Variants in SHD observed in about 807,000 individuals in gnomAD.
SHD encodes SH2 domain-containing adapter protein D.
Under a neutral mutation model 31.2 loss-of-function variants are expected in SHD, and 29 were observed. That is an observed-to-expected ratio of 0.93 (90% confidence interval 0.69 to 1.27). The LOEUF is 1.27. Among genes scored for constraint, SHD ranks in the 50% most tolerant of loss-of-function variants. The pLI, the probability that SHD is intolerant of heterozygous loss-of-function variation, is 0.00. For synonymous variants in SHD, 208 were observed against 187.8 expected (o/e 1.11, Z -0.88); for missense variants, 520 against 453.8 (o/e 1.15, Z -1.33).
At position 4,288,268 on chromosome 19, in the gene SHD, G is replaced by A; in HGVS notation, c.742G>A (p.Ala248Thr). 1 of 1,613,844 alleles carries A rather than the reference G, an allele frequency of 6.2e-7. No individual in the cohort carries two copies. Among genetic ancestry groups the A allele is most frequent in the Middle Eastern group, 1.6e-4 (1 of 6,062 alleles). Reference protein sequence around the residue: ...QPWFHGPLNRADAESLLSLCK... With the variant: ...QPWFHGPLNRTDAESLLSLCK... ...GTGGTTTCATGGCCCCCTGAACAGGGCGGATGCAGAGAGCCTCCTGTCCCT... is the reference window on the plus strand; with the variant it reads ...GTGGTTTCATGGCCCCCTGAACAGGACGGATGCAGAGAGCCTCCTGTCCCT... Residue 248 changes from alanine (A) to threonine (T), a missense_variant, in exon 5 of 6, where the codon GCG (alanine) becomes ACG (threonine). Ala to Thr is a moderately conservative substitution (Grantham distance 58). Transcript: ENST00000543264.
chr19:4,280,898 G>A (rs903226789), intron 1 of SHD, among the ~76,000 whole-genome samples: 2 of 151,580 alleles, frequency 1.3e-5, no homozygotes, highest in Admixed American at 1.3e-4. Flanking sequence ...TTGGTCTCCG[G>A]GTCCTCCTCC....
chr19:4,280,390 G>A lies in SHD; in HGVS notation c.297+30G>A, dbSNP rs1359049185. On this transcript the variant is annotated intron_variant, in intron 1 of 5. Coordinates refer to ENST00000543264, the MANE Select transcript of SHD (RefSeq NM_020209.4). ...GTGGCTGGGTGGCCTGGGGAGACTG[G>A]GTGGAGGGGAGGCTCAGGATGGGCT... 21 of 1,530,906 alleles carry A rather than the reference G, an allele frequency of 1.4e-5. No homozygotes were observed. The Middle Eastern group carries it at 5.9e-4, about 43-fold the overall frequency. The allele number at this position is 1,530,906 out of a possible 1,614,324, so 94.8% of individuals were successfully genotyped here.
rs765278791 is a variant in SHD at position 4,283,102 on chromosome 19, A to G, written c.452A>G (p.Gln151Arg). ...VQLYDTPYEE[Q>R]DPETADGPPS... is the part of the protein sequence containing the mutation. ...CTCTATGACACCCCTTATGAGGAAC[A>G]GGACCCAGAGACAGCAGATGGACCC... is the stretch of plus-strand genomic sequence containing the variant. The change falls in exon 3 of 6, where the codon CAG (glutamine) becomes CGG (arginine). Residue 151 changes from glutamine to arginine, a missense_variant. By Grantham distance (43) the Gln-to-Arg change is conservative. Transcript: ENST00000543264. The G allele has an allele frequency of 2.5e-6, 4 of 1,614,018 alleles. No individual in the cohort carries two copies. The East Asian group carries it at 8.9e-5, about 36-fold the overall frequency.
In SHD at chr19:4,279,763, C is replaced by T; in HGVS notation, c.-301C>T. Reference sequence around the variant, plus strand: ...CCTCCGCGGATGCCCCTCGCCCTAGCCCCCAGCGCGCGGGGTTCGGGGCCC... The same window carrying T: ...CCTCCGCGGATGCCCCTCGCCCTAGTCCCCAGCGCGCGGGGTTCGGGGCCC... On this transcript the variant is annotated 5_prime_UTR_variant, in exon 1 of 6. Transcript: ENST00000543264. This position sits in a 1 kb window ranked among gnomAD's most constrained non-coding sequence, Gnocchi z 7.5. 2.5e-6 allele frequency: 1 copy of T among 400,832 alleles called. No homozygotes were observed. Among genetic ancestry groups the T allele is most frequent in the Non-Finnish European group, 4.5e-6 (1 of 223,208 alleles). The allele number at this position is 400,832 out of a possible 1,614,324, so 24.8% of individuals were successfully genotyped here.
chr19:4,286,080 CAG>C (rs1235021939), intron 4 of SHD, among the ~76,000 whole-genome samples: 1 of 151,258 alleles, frequency 6.6e-6, no homozygotes, highest in African/African-American at 2.4e-5. Flanking sequence ...TTAGTAGAGA[CAG>C]AGTTTCACCA....
intron 1 of SHD, among the ~76,000 whole-genome samples, chr19:4,280,942 C>T (rs114726956): frequency 0.033 from 4,954 of 151,942 alleles, 165 homozygotes; most frequent in African/African-American, 0.08. Flanking sequence ...TCCCCCAGCC[C>T]CCTCCCCTCA....
intron 5 of SHD, among the ~76,000 whole-genome samples, chr19:4,289,822 T>C (rs1488190533): frequency 1.1e-4 from 17 of 148,796 alleles, no homozygotes; most frequent in African/African-American, 3.7e-4. Context: ...CCGCCTGCCT[T>C]GGCCTCCCAA....
At chr19:4,282,573 A>AG (rs1419690293) in intron 1 of SHD, among the ~76,000 whole-genome samples, 1 of 152,024 alleles carries the variant, frequency 6.6e-6, no homozygotes, top group African/African-American at 2.4e-5. Flanking sequence ...AAAGTTAGCC[A>AG]GGCATGGTGG....
chr19:4,283,040 C>A lies in SHD; in HGVS notation c.404-14C>A, dbSNP rs1287129327. 1 of 1,613,652 alleles carries A rather than the reference C, an allele frequency of 6.2e-7. No individual in the cohort carries two copies. The highest frequency in any genetic ancestry group is 1.3e-5 in the African/African-American group (1 of 75,016). Reference sequence around the variant, plus strand: ...GATGGGAGCAGGAGCTGAACAGTGTCCCTGGCCTCCTAGAACTTCCCGGCA... The same window carrying A: ...GATGGGAGCAGGAGCTGAACAGTGTACCTGGCCTCCTAGAACTTCCCGGCA... On this transcript the variant is annotated splice_polypyrimidine_tract_variant and intron_variant, in intron 2 of 5. Coordinates refer to ENST00000543264, the MANE Select transcript of SHD (RefSeq NM_020209.4).
At chr19:4,282,024 C>A (rs1971261238) in intron 1 of SHD, among the ~76,000 whole-genome samples, 1 of 152,124 alleles carries the variant, frequency 6.6e-6, no homozygotes, top group Non-Finnish European at 1.5e-5. Flanking sequence ...AGGCAGGTGT[C>A]TGTGCTGGGG....
Position 4,290,514 on chromosome 19 carries a change from C to T in SHD, c.904C>T (p.His302Tyr), listed in dbSNP as rs555739842. ...TGAGAACCAGGTGGTGCTGGGCCAACACAGCGGGCCCTTCCCCAGCGTGCC... is the reference window on the plus strand; with the variant it reads ...TGAGAACCAGGTGGTGCTGGGCCAATACAGCGGGCCCTTCCCCAGCGTGCC... ...TRENQVVLGQ[H>Y]SGPFPSVPEL... The change falls in exon 6 of 6, where the codon CAC becomes TAC. Residue 302 changes from histidine (H) to tyrosine (Y), a missense_variant. His to Tyr is a moderately conservative substitution (Grantham distance 83). Transcript: ENST00000543264. 2 of 1,613,622 alleles carry T rather than the reference C, an allele frequency of 1.2e-6. No individual in the cohort carries two copies. The highest frequency in any genetic ancestry group is 1.7e-5 in the Admixed American group (1 of 59,988).
chr19:4,287,814 A>G (rs542278197), intron 4 of SHD, among the ~76,000 whole-genome samples: 1 of 151,934 alleles, frequency 6.6e-6, no homozygotes, highest in Non-Finnish European at 1.5e-5. Flanking sequence ...ACTCCAAGGG[A>G]ATTGTCCTTC....
intron 5 of SHD, among the ~76,000 whole-genome samples, chr19:4,290,013 C>G (rs1012369297): frequency 2.6e-5 from 4 of 151,786 alleles, no homozygotes; most frequent in Non-Finnish European, 5.9e-5. Context: ...GTAGCTGGGA[C>G]CACAGGCACC....
At chr19:4,286,223 TTTCTTTCTTTTC>T (rs778281412) in intron 4 of SHD, among the ~76,000 whole-genome samples, 4,459 of 105,680 alleles carry the variant, frequency 0.042, 231 homozygotes, top group African/African-American at 0.17. Context: ...TCTTTCTTTC[TTTCTTTCTTTTC>T]TTTCTTTCTT....
chr19:4,285,538 C>CT (rs894561580), intron 4 of SHD, among the ~76,000 whole-genome samples: 5 of 151,964 alleles, frequency 3.3e-5, no homozygotes, highest in African/African-American at 7.3e-5. Context: ...AGATTGTTCT[C>CT]TTTTTTTCTT....
chr19:4,279,999 G>A lies in SHD; in HGVS notation c.-65G>A. On this transcript the variant is annotated 5_prime_UTR_variant, in exon 1 of 6. Coordinates refer to ENST00000543264, the MANE Select transcript of SHD (RefSeq NM_020209.4). The surrounding 1 kb of genome is among the most constrained non-coding windows in gnomAD (Gnocchi z 7.5). ...ACCTCCTCCTCCTCCTTGGGGAAAG[G>A]GGCCCGGAGAAGGGCATGTGGGGGC... 2.7e-6 allele frequency: 4 copies of A among 1,476,458 alleles called. No homozygotes were observed. The highest frequency in any genetic ancestry group is 3.6e-6 in the Non-Finnish European group (4 of 1,110,818). The allele number at this position is 1,476,458 out of a possible 1,614,324, so 91.5% of individuals were successfully genotyped here.
chr19:4,283,089 C>G lies in SHD; in HGVS notation c.439C>G (p.Pro147Ala), dbSNP rs377427035. 1.9e-6 allele frequency: 3 copies of G among 1,614,108 alleles called. No homozygotes were observed. Among genetic ancestry groups the G allele is most frequent in the Non-Finnish European group, 1.7e-6 (2 of 1,180,000 alleles). ...CAGAGGGGTGCAGCTCTATGACACC[C>G]CTTATGAGGAACAGGACCCAGAGAC... ...PGRGVQLYDT[P>A]YEEQDPETAD... Residue 147 changes from proline to alanine, a missense_variant, in exon 3 of 6, where the codon CCT becomes GCT. Coordinates refer to ENST00000543264, the MANE Select transcript of SHD (RefSeq NM_020209.4).
intron 4 of SHD, among the ~76,000 whole-genome samples, chr19:4,286,876 C>T (rs1971324666): frequency 6.6e-6 from 1 of 151,560 alleles, no homozygotes; most frequent in South Asian, 2.1e-4. Flanking sequence ...GAGACTCCAT[C>T]TCAAAATAAA....
rs771855892 is a variant in SHD, at chr19:4,288,330, G to C, written c.804G>C (p.Glu268Asp). Reference protein sequence around the residue: ...KEGSYLVRLSETNPQDCSLSL... With the variant: ...KEGSYLVRLSDTNPQDCSLSL... The stretch of plus-strand genomic sequence containing the variant: ...GCAGCTACCTAGTGCGGCTCAGTGA[G>C]ACCAACCCCCAGGACTGCTCCTTGT... Residue 268 changes from glutamate to aspartate, a missense_variant, in exon 5 of 6, where the codon GAG becomes GAC. Transcript: ENST00000543264. 2 of 1,613,904 alleles carry C rather than the reference G, an allele frequency of 1.2e-6. No homozygotes were observed. Among genetic ancestry groups the C allele is most frequent in the Admixed American group, 1.7e-5 (1 of 59,968 alleles).
Sources: gnomAD v4.1 joint callset for allele counts (sites outside exome capture counted in the v4.1 genomes callset) on GRCh38, gnomAD v4.1.1 for gene constraint, Gnocchi (gnomAD v3.1) non-coding constraint, MANE v1.5 for transcripts, NCBI Gene and HGNC (gene_info 2026-07-23, HGNC 2026-07-21) for gene names.